GPR158: variants seen among roughly 807,000 people sequenced by gnomAD.
The protein encoded by GPR158 is metabotropic glycine receptor.
Under a neutral mutation model 78.2 loss-of-function variants are expected in GPR158, and 30 were observed. The observed-to-expected ratio is 0.38, with a 90% confidence interval of 0.29 to 0.52. The LOEUF is 0.52. Ranked by LOEUF, GPR158 falls within the 20% of genes least tolerant of loss-of-function variation. The pLI is 0.83. For missense variants in GPR158, 1,463 were observed against 1,523.5 expected (o/e 0.96, Z 0.66); for synonymous variants, 581 against 591.1 (o/e 0.98, Z 0.25).
At chr10:25,208,365 GAGA>G (rs1324860642) in intron 1 of GPR158, among the ~76,000 whole-genome samples, 4 of 152,200 alleles carry the variant, frequency 2.6e-5, no homozygotes, top group Non-Finnish European at 5.9e-5. Flanking sequence ...ATAATTGAAA[GAGA>G]AGGAGGAAAA....
At position 25,321,546 on chromosome 10, in the gene GPR158, A is replaced by C. The variant is rs74913949; in HGVS notation, c.1009-74365A>C. On this transcript the variant is annotated intron_variant, in intron 2 of 10. Coordinates refer to ENST00000376351, the MANE Select transcript of GPR158 (RefSeq NM_020752.3). ...CTTTTACTTAGATGTTTTTGGTATA[A>C]TTTTGGTGATTTAGAGGAGATAGGG... Among the ~76,000 whole-genome samples, 780 of 152,312 alleles carry C rather than the reference A, an allele frequency of 5.1e-3. 7 individuals are homozygous for C. Among genetic ancestry groups the C allele is most frequent in the African/African-American group, 0.018 (744 of 41,570 alleles).
Position 25,259,290 on chromosome 10 carries a change from G to A in GPR158, c.1008+38133G>A, listed in dbSNP as rs77584439. Among the ~76,000 whole-genome samples the A allele has an allele frequency of 1.1e-3, 172 of 152,282 alleles. 5 individuals are homozygous for A. In the East Asian group the frequency reaches 0.031, roughly 28 times the overall value. On this transcript the variant is annotated intron_variant, in intron 2 of 10. Coordinates refer to ENST00000376351, the MANE Select transcript of GPR158 (RefSeq NM_020752.3). ...AACAAGACTTTATTTACAAAATCAG[G>A]AATCTCTCTAGATTTAGCCTGTGGA...
intron 1 of GPR158, among the ~76,000 whole-genome samples, chr10:25,204,363 C>G (rs373311853): frequency 2.0e-5 from 3 of 152,230 alleles, no homozygotes; most frequent in Admixed American, 6.5e-5. Context: ...CAGTTTTTGC[C>G]CATTCAGTAT....
At chr10:25,432,413 G>A (rs560202897) in intron 4 of GPR158, among the ~76,000 whole-genome samples, 5 of 152,120 alleles carry the variant, frequency 3.3e-5, no homozygotes, top group Non-Finnish European at 5.9e-5. Context: ...AAAGTGCATG[G>A]TCGTTTCAAT....
chr10:25,551,422 C>T (rs971765162), intron 6 of GPR158, among the ~76,000 whole-genome samples: 1 of 152,136 alleles, frequency 6.6e-6, no homozygotes, highest in African/African-American at 2.4e-5. Flanking sequence ...GATACATATC[C>T]AGAGTGACCA....
intron 5 of GPR158, among the ~76,000 whole-genome samples, chr10:25,481,674 A>G (rs368678196): frequency 1.3e-5 from 2 of 152,150 alleles, no homozygotes; most frequent in South Asian, 2.1e-4. Context: ...TGGTAAATCT[A>G]TGTTTAACTT....
intron 5 of GPR158, among the ~76,000 whole-genome samples, chr10:25,477,794 G>C (rs964802437): frequency 3.9e-5 from 6 of 152,196 alleles, no homozygotes; most frequent in African/African-American, 1.4e-4. Flanking sequence ...GGGAATATTA[G>C]ACTTTTAATC....
chr10:25,370,814 T>G (rs1280775362), intron 2 of GPR158, among the ~76,000 whole-genome samples: 1 of 151,472 alleles, frequency 6.6e-6, no homozygotes, highest in Non-Finnish European at 1.5e-5. Flanking sequence ...AGTCTCTTTG[T>G]AGGTCACTCA....
intron 3 of GPR158, among the ~76,000 whole-genome samples, chr10:25,400,082 A>G (rs767326410): frequency 6.6e-6 from 1 of 152,192 alleles, no homozygotes; most frequent in Non-Finnish European, 1.5e-5. Context: ...TCATGCATGT[A>G]AAGAGATAGC....
chr10:25,576,475 TC>T (rs1237111048), intron 7 of GPR158, among the ~76,000 whole-genome samples: 1 of 152,046 alleles, frequency 6.6e-6, no homozygotes, highest in Non-Finnish European at 1.5e-5. Flanking sequence ...AGCACATTTT[TC>T]CACTTGCAGT....
chr10:25,525,335 G>A (rs566881299), intron 5 of GPR158, among the ~76,000 whole-genome samples: 31 of 152,238 alleles, frequency 2.0e-4, no homozygotes, highest in Middle Eastern at 3.4e-3. Flanking sequence ...ATGAATCTTC[G>A]TAGCTACATA....
chr10:25,549,405 A>C (rs907664066), intron 5 of GPR158, among the ~76,000 whole-genome samples: 4 of 152,154 alleles, frequency 2.6e-5, no homozygotes, highest in Non-Finnish European at 5.9e-5. Flanking sequence ...TCAAACTTGG[A>C]ATACAAATTT....
intron 2 of GPR158, among the ~76,000 whole-genome samples, chr10:25,357,400 C>T (rs1318311955): frequency 4.6e-5 from 7 of 152,116 alleles, no homozygotes; most frequent in Admixed American, 4.6e-4. Context: ...TGTCAGAGGT[C>T]TTCATGGCAG....
In GPR158 at chr10:25,572,907, GTAT is replaced by G; in HGVS notation, c.1753+21_1753+23del. Reference sequence around the variant, plus strand: ...CAGTTGGTATGTGGTCACTTGTTTCGTATGATGGTCTTACCATTTTTCAGTAGC... The same window carrying G: ...CAGTTGGTATGTGGTCACTTGTTTCGGATGGTCTTACCATTTTTCAGTAGC... On this transcript the variant is annotated intron_variant, in intron 7 of 10. Coordinates refer to ENST00000376351, the MANE Select transcript of GPR158 (RefSeq NM_020752.3). The G allele has an allele frequency of 7.3e-7, 1 of 1,361,592 alleles. No individual in the cohort carries two copies. Among genetic ancestry groups the G allele is most frequent in the Non-Finnish European group, 1.1e-6 (1 of 949,116 alleles). 84.3% of individuals were successfully genotyped at this position (1,361,592 alleles called of 1,614,324 possible). A position where few individuals can be genotyped will look rare whatever the true frequency, so the allele number is the denominator to read the frequency against.
Position 25,601,278 on chromosome 10 carries a change from T to C in GPR158, c.*2004T>C, listed in dbSNP as rs188644568. 171 of 152,774 alleles carry C rather than the reference T, an allele frequency of 1.1e-3. No homozygotes were observed. Among genetic ancestry groups the C allele is most frequent in the African/African-American group, 3.9e-3 (164 of 41,574 alleles). 9.5% of individuals were successfully genotyped at this position (152,774 alleles called of 1,614,324 possible). A position where few individuals can be genotyped will look rare whatever the true frequency, so the allele number is the denominator to read the frequency against. On this transcript the variant is annotated 3_prime_UTR_variant, in exon 11 of 11. Transcript: ENST00000376351. The stretch of plus-strand genomic sequence containing the variant: ...CCCATTTGCTGACTTTATGCATTAC[T>C]CAGGTTGGTGGGGTCGGTTTGAGAA...
rs113959963 is a variant in GPR158 at position 25,235,540 on chromosome 10, G to A, written c.1008+14383G>A. On this transcript the variant is annotated intron_variant, in intron 2 of 10. Coordinates refer to ENST00000376351, the MANE Select transcript of GPR158 (RefSeq NM_020752.3). The stretch of plus-strand genomic sequence containing the variant: ...CTTCCTCTTCAGTTCGTCATTCATC[G>A]GGCAGTGTATTTTTCTAGAGATAGT... Among the ~76,000 whole-genome samples, 484 of 150,948 alleles carry A rather than the reference G, an allele frequency of 3.2e-3. 5 individuals are homozygous for A. Among genetic ancestry groups the A allele is most frequent in the African/African-American group, 0.011 (468 of 41,086 alleles).
At chr10:25,314,423 G>T (rs1266456490) in intron 2 of GPR158, among the ~76,000 whole-genome samples, 3 of 152,044 alleles carry the variant, frequency 2.0e-5, no homozygotes, top group African/African-American at 7.2e-5. Flanking sequence ...TTGACATAAA[G>T]ATTTGCATCT....
At chr10:25,534,099 A>G (rs1438615523) in intron 5 of GPR158, among the ~76,000 whole-genome samples, 1 of 152,206 alleles carries the variant, frequency 6.6e-6, no homozygotes, top group African/African-American at 2.4e-5. Context: ...CTCCTGGGCC[A>G]GCTTTCAGCT....
chr10:25,175,514 C>T lies in GPR158; in HGVS notation c.94C>T (p.Pro32Ser). 1.2e-6 allele frequency: 2 copies of T among 1,612,372 alleles called. No individual in the cohort carries two copies. Among genetic ancestry groups the T allele is most frequent in the Middle Eastern group, 1.7e-4 (1 of 6,032 alleles). ...CGCCAGCCGCGACCCCCAAGGACGGCCGGATTCCCCTCGAGAGAGGACCCC... is the reference window on the plus strand; with the variant it reads ...CGCCAGCCGCGACCCCCAAGGACGGTCGGATTCCCCTCGAGAGAGGACCCC... ...VGASRDPQGR[P>S]DSPRERTPKG... The change falls in exon 1 of 11, where the codon CCG (proline) becomes TCG (serine). Residue 32 changes from proline to serine, a missense_variant. Transcript: ENST00000376351. The surrounding 1 kb of genome is among the most constrained non-coding windows in gnomAD (Gnocchi z 6.4).
Sources: allele counts gnomAD v4.1 joint callset (sites outside exome capture counted in the v4.1 genomes callset), GRCh38; gene constraint gnomAD v4.1.1; non-coding constraint Gnocchi (gnomAD v3.1); transcripts MANE v1.5; gene names NCBI Gene and HGNC (gene_info 2026-07-23, HGNC 2026-07-21).